INSL6: variants seen among roughly 807,000 people sequenced by gnomAD.
INSL6 encodes insulin like 6.
Under a neutral mutation model 9.4 loss-of-function variants are expected in INSL6, and 16 were observed. The observed-to-expected ratio is 1.70, with a 90% confidence interval of 1.15 to 2.59. The LOEUF is 2.59. Ranked by LOEUF, INSL6 falls within the 30% of genes most tolerant of loss-of-function variation. The pLI, the probability that INSL6 is intolerant of heterozygous loss-of-function variation, is 0.00. For synonymous variants in INSL6, 154 were observed against 96.9 expected (o/e 1.59, Z -3.46); for missense variants, 391 against 257.3 (o/e 1.52, Z -3.56).
intron 2 of INSL6, among the ~76,000 whole-genome samples, chr9:5,151,919 A>G (rs1170887313): frequency 6.6e-6 from 1 of 152,220 alleles, no homozygotes; most frequent in African/African-American, 2.4e-5. Context: ...GAAGATACAG[A>G]TAGGTTAAAA....
the INSL6 span, among the ~76,000 whole-genome samples, chr9:5,012,373 T>C: frequency 6.6e-6 from 1 of 152,180 alleles, no homozygotes; most frequent in African/African-American, 2.4e-5. Context: ...TTTATAAATA[T>C]ATATTTTTAA....
At chr9:5,134,641 G>C (rs1469753674) in intron 2 of INSL6, among the ~76,000 whole-genome samples, 2 of 152,186 alleles carry the variant, frequency 1.3e-5, no homozygotes, top group African/African-American at 4.8e-5. Context: ...CAAATGCTGA[G>C]AGATTTTGTC....
downstream of INSL6, among the ~76,000 whole-genome samples, chr9:5,162,948 T>C (rs924654271): frequency 1.3e-5 from 2 of 152,164 alleles, no homozygotes; most frequent in African/African-American, 4.8e-5. Flanking sequence ...TTTGTAGTAC[T>C]AAAATTATGT....
At chr9:5,111,127 T>G in the INSL6 span, 2 of 1,151,038 alleles carry the variant, frequency 1.7e-6, no homozygotes, top group African/African-American at 1.5e-5. Context: ...TGACCCCAGC[T>G]GGACGTTCAG....
At chr9:5,028,841 C>G in the INSL6 span, among the ~76,000 whole-genome samples, 1 of 152,226 alleles carries the variant, frequency 6.6e-6, no homozygotes, top group Non-Finnish European at 1.5e-5. Flanking sequence ...GGGCCTTGCT[C>G]TGGTTTAGGG....
the INSL6 span, among the ~76,000 whole-genome samples, chr9:5,057,922 C>T: frequency 1.3e-5 from 2 of 152,022 alleles, no homozygotes; most frequent in Non-Finnish European, 2.9e-5. Context: ...CTCTAGATAC[C>T]TCATAAAAGC....
intron 2 of INSL6, among the ~76,000 whole-genome samples, chr9:5,148,904 G>A (rs1371861692): frequency 6.6e-6 from 1 of 152,066 alleles, no homozygotes; most frequent in African/African-American, 2.4e-5. Context: ...AGCCTGGCAG[G>A]GACCCTGGGA....
intron 2 of INSL6, among the ~76,000 whole-genome samples, chr9:5,154,412 G>A (rs957331356): frequency 2.6e-5 from 4 of 152,102 alleles, no homozygotes; most frequent in African/African-American, 7.2e-5. Flanking sequence ...CATAGGCATG[G>A]GCAAGGACTT....
the INSL6 span, among the ~76,000 whole-genome samples, chr9:5,050,490 C>A: frequency 1.3e-5 from 2 of 152,130 alleles, no homozygotes; most frequent in Non-Finnish European, 2.9e-5. Flanking sequence ...AGGCTGGTCT[C>A]AAACTCCTGG....
At chr9:5,131,454 T>TTTTTTTTTTTA (rs1824282070) in intron 3 of INSL6, among the ~76,000 whole-genome samples, 4 of 148,676 alleles carry the variant, frequency 2.7e-5, no homozygotes, top group African/African-American at 7.6e-5. Flanking sequence ...TTTTTTTTTT[T>TTTTTTTTTTTA]GAGACAGAGT....
the INSL6 span, among the ~76,000 whole-genome samples, chr9:5,102,061 G>T: frequency 6.6e-6 from 1 of 152,172 alleles, no homozygotes; most frequent in African/African-American, 2.4e-5. Flanking sequence ...ACAGAAGTAG[G>T]CTTCAGAAGG....
chr9:5,003,089 A>G, the INSL6 span, among the ~76,000 whole-genome samples: 12 of 151,976 alleles, frequency 7.9e-5, no homozygotes, highest in Admixed American at 4.6e-4. Flanking sequence ...CCATTTGTCT[A>G]TTTGTTCATT....
the INSL6 span, among the ~76,000 whole-genome samples, chr9:5,118,740 A>T: frequency 6.6e-6 from 1 of 152,198 alleles, no homozygotes; most frequent in Non-Finnish European, 1.5e-5. Flanking sequence ...ATTCATTTCT[A>T]TGACGCCTTC....
At chr9:5,034,392 T>G in the INSL6 span, among the ~76,000 whole-genome samples, 1 of 152,178 alleles carries the variant, frequency 6.6e-6, no homozygotes, top group African/African-American at 2.4e-5. Context: ...CAAGCAGACC[T>G]AATAGACATC....
chr9:5,151,804 C>T (rs770372036), intron 2 of INSL6, among the ~76,000 whole-genome samples: 2 of 152,008 alleles, frequency 1.3e-5, no homozygotes, highest in Non-Finnish European at 2.9e-5. Context: ...TTGATAATTA[C>T]ATCAATAAAA....
chr9:5,013,158 G>A, the INSL6 span, among the ~76,000 whole-genome samples: 1 of 151,990 alleles, frequency 6.6e-6, no homozygotes, highest in Non-Finnish European at 1.5e-5. Context: ...TTTCTTTCTT[G>A]CTCAATAAGA....
chr9:5,157,921 G>A (rs1024237118), intron 2 of INSL6, among the ~76,000 whole-genome samples: 12 of 152,104 alleles, frequency 7.9e-5, no homozygotes, highest in African/African-American at 2.7e-4. Flanking sequence ...CAAAAGAGCT[G>A]TTTTAAGGAA....
chr9:5,121,819 G>A (rs1823636818), downstream of INSL6, among the ~76,000 whole-genome samples: 2 of 152,156 alleles, frequency 1.3e-5, no homozygotes, highest in East Asian at 3.9e-4. Context: ...AGAACAGACA[G>A]AAAAAAACAG....
the INSL6 span, chr9:5,110,869 C>T: frequency 3.5e-5 from 18 of 510,514 alleles, no homozygotes; most frequent in South Asian, 2.8e-4. Flanking sequence ...CCGCCGCGCC[C>T]AGCAGGGTTT....
Sources: gnomAD v4.1 joint callset for allele counts (sites outside exome capture counted in the v4.1 genomes callset) on GRCh38, gnomAD v4.1.1 for gene constraint, MANE v1.5 for transcripts, NCBI Gene and HGNC (gene_info 2026-07-23, HGNC 2026-07-21) for gene names.